Variants in SUGCT observed in about 807,000 individuals in gnomAD.
SUGCT encodes the protein succinyl-CoA:glutarate CoA-transferase.
A neutral mutation model predicts 55.0 loss-of-function variants in SUGCT; 41 were observed. That is an observed-to-expected ratio of 0.74 (90% CI 0.58 to 0.97). The LOEUF is 0.97. SUGCT is among the 50% of genes least tolerant of loss of function. The pLI is 0.00. For missense variants in SUGCT, 568 were observed against 547.8 expected (o/e 1.04, Z -0.37); for synonymous variants, 187 against 200.4 (o/e 0.93, Z 0.56).
chr7:40,732,571 A>G (rs532159254), intron 12 of SUGCT, among the ~76,000 whole-genome samples: 35 of 152,286 alleles, frequency 2.3e-4, no homozygotes, highest in African/African-American at 8.2e-4. Flanking sequence ...GAGCAAAAGC[A>G]AAATGTCCAA....
chr7:40,834,146 CT>C (rs751479529), intron 13 of SUGCT, among the ~76,000 whole-genome samples: 23 of 151,078 alleles, frequency 1.5e-4, no homozygotes, highest in East Asian at 7.8e-4. Context: ...TCAATAAAAG[CT>C]GGGTGACTAG....
intron 1 of SUGCT, among the ~76,000 whole-genome samples, chr7:40,136,087 C>T (rs779985964): frequency 5.3e-5 from 8 of 151,778 alleles, no homozygotes; most frequent in South Asian, 2.1e-4. Flanking sequence ...ACCTCTGCCT[C>T]GCGGGTTCAA....
chr7:40,179,526 G>C (rs1453571991), intron 1 of SUGCT, among the ~76,000 whole-genome samples: 1 of 152,038 alleles, frequency 6.6e-6, no homozygotes, highest in African/African-American at 2.4e-5. Context: ...CAGGTGATCT[G>C]CCCGCCTCGG....
At chr7:40,395,208 G>T (rs977994871) in intron 9 of SUGCT, among the ~76,000 whole-genome samples, 2 of 152,056 alleles carry the variant, frequency 1.3e-5, no homozygotes, top group Non-Finnish European at 2.9e-5. Context: ...CAATTTTGAG[G>T]CCAGGTGAGG....
At chr7:40,956,783 C>T in the SUGCT span, among the ~76,000 whole-genome samples, 13 of 152,272 alleles carry the variant, frequency 8.5e-5, no homozygotes, top group Admixed American at 6.5e-4. Flanking sequence ...CTCAACACTG[C>T]TTTTGCTGTG....
chr7:40,344,795 C>T (rs755391129), intron 9 of SUGCT, among the ~76,000 whole-genome samples: 3 of 152,108 alleles, frequency 2.0e-5, no homozygotes, highest in Non-Finnish European at 4.4e-5. Context: ...GAAAAATTTC[C>T]CTTTCCTCTT....
At chr7:41,016,710 G>T in the SUGCT span, among the ~76,000 whole-genome samples, 1 of 152,074 alleles carries the variant, frequency 6.6e-6, no homozygotes, top group African/African-American at 2.4e-5. Flanking sequence ...GCTCCTCATT[G>T]TCTAGATAAG....
chr7:40,367,033 A>G (rs987191814), intron 9 of SUGCT, among the ~76,000 whole-genome samples: 8 of 152,196 alleles, frequency 5.3e-5, no homozygotes, highest in Non-Finnish European at 1.0e-4. Context: ...CAACAATGAT[A>G]GACTGGTTTA....
At chr7:40,350,480 ATTT>A (rs1180685887) in intron 9 of SUGCT, among the ~76,000 whole-genome samples, 1 of 145,210 alleles carries the variant, frequency 6.9e-6, no homozygotes, top group African/African-American at 2.5e-5. Flanking sequence ...CACCTGGCTA[ATTT>A]TTTTTTTTTT....
At chr7:40,803,425 T>C (rs868612040) in intron 13 of SUGCT, among the ~76,000 whole-genome samples, 34 of 152,212 alleles carry the variant, frequency 2.2e-4, no homozygotes, top group African/African-American at 7.2e-4. Context: ...TAAAATCATG[T>C]GAGCATGTGG....
chr7:40,412,170 T>C (rs1321088941), intron 9 of SUGCT, among the ~76,000 whole-genome samples: 17 of 152,196 alleles, frequency 1.1e-4, no homozygotes, highest in Non-Finnish European at 2.4e-4. Context: ...TGTGTAGTGT[T>C]CCCAATCCAC....
the SUGCT span, among the ~76,000 whole-genome samples, chr7:40,919,606 A>C: frequency 2.6e-5 from 4 of 152,114 alleles, no homozygotes; most frequent in African/African-American, 9.7e-5. Context: ...TAAAATACAC[A>C]GAACTCCAAC....
intron 6 of SUGCT, among the ~76,000 whole-genome samples, chr7:40,197,837 C>CA (rs1028067376): frequency 6.6e-6 from 1 of 151,574 alleles, no homozygotes; most frequent in Admixed American, 6.6e-5. Flanking sequence ...ATCATCGAGT[C>CA]AAAAAAAATG....
At chr7:40,536,634 A>C (rs369073398) in intron 12 of SUGCT, among the ~76,000 whole-genome samples, 1 of 152,200 alleles carries the variant, frequency 6.6e-6, no homozygotes, top group Non-Finnish European at 1.5e-5. Flanking sequence ...TTCTTGCTAC[A>C]TGTCAAGTAC....
chr7:40,898,908 G>C, the SUGCT span, among the ~76,000 whole-genome samples: 3 of 152,228 alleles, frequency 2.0e-5, no homozygotes, highest in Non-Finnish European at 4.4e-5. Flanking sequence ...GGTACATGAA[G>C]AAGCTGTTCC....
chr7:40,978,644 G>A, the SUGCT span, among the ~76,000 whole-genome samples: 4 of 152,196 alleles, frequency 2.6e-5, no homozygotes, highest in African/African-American at 4.8e-5. Context: ...TTCGAATGGG[G>A]CAATTGTGGC....
intron 1 of SUGCT, among the ~76,000 whole-genome samples, chr7:40,149,171 A>T (rs1013148648): frequency 3.9e-5 from 6 of 152,108 alleles, no homozygotes; most frequent in Admixed American, 1.3e-4. Flanking sequence ...ATAAGCATGT[A>T]GCTTATTTTA....
intron 12 of SUGCT, among the ~76,000 whole-genome samples, chr7:40,590,713 C>A (rs1797667965): frequency 1.3e-5 from 2 of 152,108 alleles, no homozygotes; most frequent in Admixed American, 1.3e-4. Flanking sequence ...TTTGTCGGGG[C>A]TAATGTAGCT....
At chr7:40,446,792 C>A (rs1788862048) in intron 9 of SUGCT, among the ~76,000 whole-genome samples, 1 of 152,132 alleles carries the variant, frequency 6.6e-6, no homozygotes, top group South Asian at 2.1e-4. Context: ...CTCCCAGTTC[C>A]ACTCTACCAG....
Sources: allele counts gnomAD v4.1 joint callset (sites outside exome capture counted in the v4.1 genomes callset), GRCh38; gene constraint gnomAD v4.1.1; transcripts MANE v1.5; gene names NCBI Gene and HGNC (gene_info 2026-07-23, HGNC 2026-07-21).